RAPGEF2: variants seen among roughly 807,000 people sequenced by gnomAD.
RAPGEF2 encodes the protein PDZ domain containing guanine nucleotide exchange factor (GEF) 1.
RAPGEF2 carries 54 observed loss-of-function variants against 186.7 expected under a neutral mutation model. The observed-to-expected ratio is 0.29, with a 90% CI of 0.23 to 0.36. The LOEUF (loss-of-function observed/expected upper bound fraction) is 0.36. RAPGEF2 is among the 10% of genes least tolerant of loss of function. The pLI is 1.00. For missense variants in RAPGEF2, 1,532 were observed against 2,045.0 expected (o/e 0.75, Z 4.84); for synonymous variants, 712 against 705.9 (o/e 1.01, Z -0.14).
At chr4:159,351,168 G>A (rs1731118876) in intron 26 of RAPGEF2, 1 of 1,534,980 alleles carries the variant, frequency 6.5e-7, no homozygotes, top group African/African-American at 1.4e-5. Context: ...ATGCACCACG[G>A]ACCTATGGGA....
intron 8 of RAPGEF2, among the ~76,000 whole-genome samples, chr4:159,312,450 TGG>T (rs1201362806): frequency 2.0e-5 from 3 of 152,174 alleles, no homozygotes; most frequent in Non-Finnish European, 2.9e-5. Context: ...ACCACAACCT[TGG>T]CATACTATAT....
At chr4:159,235,817 CA>C (rs1753192068) in intron 4 of RAPGEF2, among the ~76,000 whole-genome samples, 1 of 152,138 alleles carries the variant, frequency 6.6e-6, no homozygotes, top group South Asian at 2.1e-4. Flanking sequence ...AGAGCAGAAG[CA>C]AAAGTAACTT....
chr4:159,254,503 A>G (rs78866013), intron 7 of RAPGEF2, among the ~76,000 whole-genome samples: 5,125 of 152,266 alleles, frequency 0.034, 151 homozygotes, highest in African/African-American at 0.074. Flanking sequence ...GCAAATAAAC[A>G]GAACCAGTGG....
chr4:159,216,253 G>A (rs770965559), intron 4 of RAPGEF2, among the ~76,000 whole-genome samples: 23 of 152,096 alleles, frequency 1.5e-4, no homozygotes, highest in Non-Finnish European at 2.8e-4. Context: ...GCGATGAGGC[G>A]GTTGCATAGG....
chr4:159,240,443 C>T (rs563223032), intron 5 of RAPGEF2, among the ~76,000 whole-genome samples: 5 of 141,322 alleles, frequency 3.5e-5, no homozygotes, highest in African/African-American at 1.0e-4. Context: ...AAGCAATTCT[C>T]CTGCCTCAGC....
At chr4:159,319,049 T>C (rs760251483) in intron 9 of RAPGEF2, among the ~76,000 whole-genome samples, 11 of 152,182 alleles carry the variant, frequency 7.2e-5, no homozygotes, top group South Asian at 2.1e-4. Flanking sequence ...TCCTTTGTCC[T>C]GAGGATTTTC....
At chr4:159,219,151 A>G (rs1032243748) in intron 4 of RAPGEF2, among the ~76,000 whole-genome samples, 1 of 152,134 alleles carries the variant, frequency 6.6e-6, no homozygotes, top group African/African-American at 2.4e-5. Context: ...TTCTGCACTT[A>G]TTTACCCTGC....
At chr4:159,118,264 T>G (rs891995623) in intron 1 of RAPGEF2, among the ~76,000 whole-genome samples, 3 of 152,218 alleles carry the variant, frequency 2.0e-5, no homozygotes, top group Non-Finnish European at 4.4e-5. Flanking sequence ...CAAACCCTAT[T>G]GTGAACTGCA....
intron 7 of RAPGEF2, among the ~76,000 whole-genome samples, chr4:159,282,844 C>T (rs6847780): frequency 0.32 from 49,344 of 151,910 alleles, 8,596 homozygotes; most frequent in Non-Finnish European, 0.39. Flanking sequence ...TTAAAATAGT[C>T]ATTATGGGGC....
In RAPGEF2 at chr4:159,353,995, C is replaced by T; in HGVS notation, c.4600C>T (p.Pro1534Ser). 10 of 1,609,774 alleles carry T rather than the reference C, an allele frequency of 6.2e-6. No individual in the cohort carries two copies. The highest frequency in any genetic ancestry group is 8.5e-6 in the Non-Finnish European group (10 of 1,178,488). The change falls in exon 28 of 30, where the codon CCC becomes TCC. Residue 1534 changes from proline (P) to serine (S), a missense_variant. Pro to Ser is a moderately conservative substitution (Grantham distance 74). Coordinates refer to ENST00000691494, the MANE Select transcript of RAPGEF2 (RefSeq NM_001394067.2). The surrounding 1 kb of genome is among the most constrained non-coding windows in gnomAD (Gnocchi z 4.3). ...GACTACGGAAGAAACCAAGCCTGTC[C>T]CCATGCCTGCCCACATAGCTGTGGC... is the stretch of plus-strand genomic sequence containing the variant. ...SVTTEETKPV[P>S]MPAHIAVASS...
chr4:159,314,536 C>A, intron 8 of RAPGEF2, 55 bp from the exon 9 acceptor site: 1 of 1,436,660 alleles, frequency 7.0e-7, no homozygotes, highest in South Asian at 1.4e-5. Context: ...TTTCTTTGGG[C>A]CCCAAAGATT....
intron 1 of RAPGEF2, among the ~76,000 whole-genome samples, chr4:159,182,311 C>T (rs533521170): frequency 1.3e-5 from 2 of 150,864 alleles, no homozygotes; most frequent in South Asian, 4.2e-4. Context: ...TCTTAACATA[C>T]CATAACATTG....
At chr4:159,303,265 A>T (rs949442385) in intron 7 of RAPGEF2, among the ~76,000 whole-genome samples, 8 of 152,066 alleles carry the variant, frequency 5.3e-5, no homozygotes, top group Admixed American at 3.9e-4. Context: ...AACATTTTGG[A>T]GGGGGAGGGA....
At chr4:159,339,024 TAAG>T (rs1767862260) in intron 18 of RAPGEF2, 87 bp from the exon 19 acceptor site, 1 of 1,463,404 alleles carries the variant, frequency 6.8e-7, no homozygotes, top group Middle Eastern at 1.8e-4. Flanking sequence ...TGCTTTTTCT[TAAG>T]GAGCTTTTTT....
intron 28 of RAPGEF2, 88 bp from the exon 29 acceptor site, chr4:159,355,765 A>G (rs1731890324): frequency 8.3e-7 from 1 of 1,206,370 alleles, no homozygotes; most frequent in African/African-American, 1.5e-5. Context: ...TACACTGTGG[A>G]TGCTGTTTTA....
intron 26 of RAPGEF2, among the ~76,000 whole-genome samples, chr4:159,351,818 G>T (rs1731214833): frequency 6.6e-6 from 1 of 152,148 alleles, no homozygotes; most frequent in Non-Finnish European, 1.5e-5. Context: ...AGACATGGTG[G>T]CACATGCCTG....
chr4:159,252,232 T>C (rs900228882), intron 7 of RAPGEF2, among the ~76,000 whole-genome samples: 1 of 152,194 alleles, frequency 6.6e-6, no homozygotes, highest in Non-Finnish European at 1.5e-5. Flanking sequence ...GTGTTTTTTG[T>C]AGGGACAGGG....
At chr4:159,199,655 A>G (rs1579444949) in intron 3 of RAPGEF2, among the ~76,000 whole-genome samples, 1 of 152,178 alleles carries the variant, frequency 6.6e-6, no homozygotes, top group Non-Finnish European at 1.5e-5. Context: ...GGTATAGGAG[A>G]AAAATACAGC....
At chr4:159,143,235 C>T (rs950136145) in intron 1 of RAPGEF2, among the ~76,000 whole-genome samples, 7 of 151,886 alleles carry the variant, frequency 4.6e-5, no homozygotes, top group Non-Finnish European at 1.0e-4. Flanking sequence ...AGTGAGACCA[C>T]GTCTCTTTAA....
Sources: allele counts gnomAD v4.1 joint callset (sites outside exome capture counted in the v4.1 genomes callset), GRCh38; gene constraint gnomAD v4.1.1; non-coding constraint Gnocchi (gnomAD v3.1); transcripts MANE v1.5; gene names NCBI Gene and HGNC (gene_info 2026-07-23, HGNC 2026-07-21).